Variants in KDR observed in about 807,000 individuals in gnomAD.
KDR encodes kinase insert domain receptor, also known as vascular endothelial growth factor receptor 2.
In KDR, 43 loss-of-function variants were observed where a neutral mutation model predicts 160.9. The observed-to-expected ratio is 0.27, with a 90% CI of 0.21 to 0.34. KDR has a LOEUF of 0.34. Among genes scored for constraint, KDR ranks in the 10% least tolerant of loss-of-function variants. The probability of loss-of-function intolerance (pLI) is 1.00; values close to 1 mark genes in which losing one functional copy is unlikely to be tolerated. For synonymous variants in KDR, 617 were observed against 600.1 expected (o/e 1.03, Z -0.41); for missense variants, 1,469 against 1,666.4 (o/e 0.88, Z 2.06).
chr4:55,096,406 C>T, intron 18 of KDR, 64 bp from the exon 19 acceptor site: 1 of 1,173,736 alleles, frequency 8.5e-7, no homozygotes, highest in South Asian at 1.2e-5. Flanking sequence ...ATTGGGGTCC[C>T]TCCCTCCCTG....
chr4:55,114,859 G>A lies in KDR; in HGVS notation c.658+15C>T, dbSNP rs1720692965. ...GATATGTTATTAATGATATGGAAAGGAAATGTCCTCTTACCTACAACGACA... is the reference window on the plus strand; with the variant it reads ...GATATGTTATTAATGATATGGAAAGAAAATGTCCTCTTACCTACAACGACA... On this transcript the variant is annotated intron_variant, in intron 5 of 29. Transcript: ENST00000263923. 1.3e-6 allele frequency: 2 copies of A among 1,596,324 alleles called. No individual in the cohort carries two copies. The highest frequency in any genetic ancestry group is 2.2e-5 in the East Asian group (1 of 44,740).
intron 6 of KDR, among the ~76,000 whole-genome samples, 171 bp downstream of exon 6, chr4:55,113,955 A>G (rs1262078680): frequency 6.6e-6 from 1 of 152,168 alleles, no homozygotes. Flanking sequence ...TCTGTTCTGC[A>G]ATTCCCTTAA....
intron 27 of KDR, among the ~76,000 whole-genome samples, chr4:55,084,707 T>A (rs993252130): frequency 2.6e-5 from 4 of 152,194 alleles, no homozygotes; most frequent in Admixed American, 1.3e-4. Context: ...TGTTTTGTTT[T>A]ACTCTACTCC....
intron 7 of KDR, among the ~76,000 whole-genome samples, chr4:55,111,438 C>T (rs1158994772): frequency 1.3e-5 from 2 of 152,132 alleles, no homozygotes; most frequent in African/African-American, 2.4e-5. Flanking sequence ...TTCTCTTATA[C>T]TCCACAACCA....
intron 5 of KDR, among the ~76,000 whole-genome samples, chr4:55,114,617 T>C (rs1227514381): frequency 6.6e-6 from 1 of 152,224 alleles, no homozygotes; most frequent in East Asian, 1.9e-4. Flanking sequence ...GAATTCTTCA[T>C]AAAATGTGCT....
At chr4:55,121,610 G>C (rs79163032) in intron 1 of KDR, among the ~76,000 whole-genome samples, 2 of 152,148 alleles carry the variant, frequency 1.3e-5, no homozygotes, top group Non-Finnish European at 2.9e-5. Context: ...CCACTTAGAC[G>C]GATTTTTATA....
intron 15 of KDR, 25 bp downstream of exon 15, chr4:55,101,872 C>A (rs2110020399): frequency 6.3e-7 from 1 of 1,595,422 alleles, no homozygotes; most frequent in Non-Finnish European, 8.6e-7. Context: ...TGTATATGTA[C>A]CACATTTTTT....
chr4:55,108,439 CT>C (rs1322246860), intron 9 of KDR, among the ~76,000 whole-genome samples: 1 of 152,066 alleles, frequency 6.6e-6, no homozygotes, highest in Non-Finnish European at 1.5e-5. Flanking sequence ...GTTTGAAGTG[CT>C]TTGCATGAAT....
chr4:55,113,324 C>CTGTT lies in KDR; in HGVS notation c.952_955dup (p.Ser319LysfsTer9). On this transcript the variant is annotated frameshift_variant, in exon 7 of 30. Transcript: ENST00000263923. LOFTEE classifies it high-confidence loss of function. ...CTTACCATGGACCCTGACAAATGTG[C>CTGTT]TGTTCTTCTTGGTCATCAGCCCACT... 1 of 1,614,070 alleles carries CTGTT rather than the reference C, an allele frequency of 6.2e-7. No homozygotes were observed. Among genetic ancestry groups the CTGTT allele is most frequent in the Non-Finnish European group, 8.5e-7 (1 of 1,179,950 alleles).
intron 20 of KDR, among the ~76,000 whole-genome samples, 188 bp from the exon 21 acceptor site, chr4:55,095,143 G>A (rs1309255938): frequency 6.6e-6 from 1 of 152,122 alleles, no homozygotes; most frequent in Non-Finnish European, 1.5e-5. Context: ...GCATAATAGG[G>A]TTTCTTCCAC....
intron 7 of KDR, 53 bp downstream of exon 7, chr4:55,113,251 T>G: frequency 6.4e-7 from 1 of 1,570,054 alleles, no homozygotes; most frequent in Non-Finnish European, 8.8e-7. Context: ...CTAAATTTAT[T>G]TAAATTATCT....
At chr4:55,114,095 T>C (rs1172809662) in intron 6 of KDR, 31 bp downstream of exon 6, 10 of 1,613,208 alleles carry the variant, frequency 6.2e-6, no homozygotes, top group Non-Finnish European at 7.6e-6. Context: ...TCTAAGTATT[T>C]GGAGGTCTGG....
chr4:55,115,090 G>T, intron 4 of KDR, 48 bp from the exon 5 acceptor site: 2 of 1,483,740 alleles, frequency 1.3e-6, no homozygotes. Flanking sequence ...TACCAAAAAT[G>T]AGAGCCATGT....
intron 2 of KDR, among the ~76,000 whole-genome samples, chr4:55,120,855 T>TGC (rs1720852809): frequency 6.6e-6 from 1 of 151,360 alleles, no homozygotes; most frequent in African/African-American, 2.4e-5. Context: ...TGTGTGCGTG[T>TGC]GTGTGTGTGT....
chr4:55,123,310 T>G (rs1720943103), intron 1 of KDR, among the ~76,000 whole-genome samples: 1 of 152,202 alleles, frequency 6.6e-6, no homozygotes, highest in Non-Finnish European at 1.5e-5. Context: ...AAACCATTAT[T>G]TGGGCACATT....
Position 55,094,874 on chromosome 4 carries a change from T to A in KDR, c.2899A>T (p.Thr967Ser). The A allele has an allele frequency of 6.2e-7, 1 of 1,613,946 alleles. No individual in the cohort carries two copies. The highest frequency in any genetic ancestry group is 8.5e-7 in the Non-Finnish European group (1 of 1,179,858). The change falls in exon 21 of 30, where the codon ACC becomes TCC. Residue 967 changes from threonine (T) to serine (S), a missense_variant. Thr to Ser is a moderately conservative substitution (Grantham distance 58). Coordinates refer to ENST00000263923, the MANE Select transcript of KDR (RefSeq NM_002253.4). ...GAGCTGGCTGAGCTCTGGCTACTGGTGATGCTGTCCAAGCGCCGTTTCAGA... is the reference window on the plus strand; with the variant it reads ...GAGCTGGCTGAGCTCTGGCTACTGGAGATGCTGTCCAAGCGCCGTTTCAGA... ...VDLKRRLDSI[T>S]SSQSSASSGF...
chr4:55,113,533 A>G lies in KDR; in HGVS notation c.799-52T>C, dbSNP rs1720651567. 4.0e-6 allele frequency: 6 copies of G among 1,495,442 alleles called. No homozygotes were observed. The East Asian group carries it at 1.4e-4, about 34-fold the overall frequency. The allele number at this position is 1,495,442 out of a possible 1,614,324, so 92.6% of individuals were successfully genotyped here. On this transcript the variant is annotated intron_variant, in intron 6 of 29. Coordinates refer to ENST00000263923, the MANE Select transcript of KDR (RefSeq NM_002253.4). The stretch of plus-strand genomic sequence containing the variant: ...CAAAGCACAGCATATAACATTACCC[A>G]ATAACTTCTAGTAACACACAGAATT...
At chr4:55,082,810 T>A (rs1208865123) in intron 27 of KDR, among the ~76,000 whole-genome samples, 175 bp from the exon 28 acceptor site, 1 of 152,204 alleles carries the variant, frequency 6.6e-6, no homozygotes, top group East Asian at 1.9e-4. Flanking sequence ...CTTAATTTCC[T>A]GAGAAAGTAC....
intron 22 of KDR, among the ~76,000 whole-genome samples, chr4:55,092,073 AGGCT>A (rs1454740409): frequency 2.6e-5 from 4 of 152,186 alleles, no homozygotes; most frequent in African/African-American, 9.7e-5. Context: ...GATATCTGTA[AGGCT>A]CAGCCCCTCC....
Sources: allele counts gnomAD v4.1 joint callset (sites outside exome capture counted in the v4.1 genomes callset), GRCh38; gene constraint gnomAD v4.1.1; transcripts MANE v1.5; gene names NCBI Gene and HGNC (gene_info 2026-07-23, HGNC 2026-07-21).